Variants in LRRC4C observed in about 807,000 individuals in gnomAD.
LRRC4C encodes the protein leucine rich repeat containing 4C, also known as leucine-rich repeat-containing protein 4C.
Under a neutral mutation model 33.6 loss-of-function variants are expected in LRRC4C, and 5 were observed. The observed-to-expected ratio is 0.15, with a 90% CI of 0.08 to 0.31. The LOEUF (loss-of-function observed/expected upper bound fraction) is 0.31, where lower values mean the gene tolerates loss of function less well. Ranked by LOEUF, LRRC4C falls within the 10% of genes least tolerant of loss-of-function variation. LRRC4C has a pLI of 1.00. For synonymous variants in LRRC4C, 329 were observed against 302.0 expected (o/e 1.09, Z -0.93); for missense variants, 560 against 796.7 (o/e 0.70, Z 3.58).
chr11:40,683,309 A>C (rs940392233), intron 2 of LRRC4C, among the ~76,000 whole-genome samples: 1 of 152,214 alleles, frequency 6.6e-6, no homozygotes, highest in Admixed American at 6.5e-5. Context: ...ACACTGTGCC[A>C]TTAATATATG....
intron 3 of LRRC4C, among the ~76,000 whole-genome samples, chr11:40,634,720 T>TTAAA (rs112196417): frequency 6.9e-6 from 1 of 145,782 alleles, no homozygotes; most frequent in African/African-American, 2.5e-5. Flanking sequence ...AATAAGAAAA[T>TTAAA]AAAAAAAAAA....
At chr11:41,103,380 G>T (rs1026852533) in intron 1 of LRRC4C, among the ~76,000 whole-genome samples, 3 of 151,872 alleles carry the variant, frequency 2.0e-5, no homozygotes, top group Non-Finnish European at 4.4e-5. Context: ...AATCAATCCA[G>T]TGCTCTTTCT....
At chr11:41,174,028 G>A (rs1314167995) in intron 1 of LRRC4C, among the ~76,000 whole-genome samples, 2 of 151,844 alleles carry the variant, frequency 1.3e-5, no homozygotes, top group South Asian at 2.1e-4. Flanking sequence ...GTCAACTACA[G>A]GATACCTAAT....
chr11:40,665,283 C>G (rs1422704415), intron 2 of LRRC4C, among the ~76,000 whole-genome samples: 3 of 105,858 alleles, frequency 2.8e-5, no homozygotes, highest in Non-Finnish European at 6.0e-5. Flanking sequence ...GAGAAGAACC[C>G]AAAGCCCTGG....
At chr11:41,285,172 A>T (rs1408010842) in intron 1 of LRRC4C, among the ~76,000 whole-genome samples, 1 of 152,138 alleles carries the variant, frequency 6.6e-6, no homozygotes, top group Non-Finnish European at 1.5e-5. Flanking sequence ...ATAATAATTC[A>T]GTCTATCTTT....
chr11:40,191,988 T>A (rs1861878121), intron 5 of LRRC4C, among the ~76,000 whole-genome samples: 1 of 152,088 alleles, frequency 6.6e-6, no homozygotes, highest in Non-Finnish European at 1.5e-5. Flanking sequence ...AAGTCTATAA[T>A]TGTTATATAT....
intron 3 of LRRC4C, among the ~76,000 whole-genome samples, chr11:40,412,432 G>T (rs1006014789): frequency 2.6e-5 from 4 of 152,002 alleles, no homozygotes; most frequent in African/African-American, 9.6e-5. Flanking sequence ...AGTTACATGG[G>T]CTCAAAATTT....
chr11:40,849,453 A>G (rs966217734), intron 2 of LRRC4C, among the ~76,000 whole-genome samples: 15 of 152,198 alleles, frequency 9.9e-5, no homozygotes, highest in African/African-American at 3.6e-4. Context: ...TTCTTTAAGA[A>G]TGTTGAATAT....
At chr11:40,724,887 A>G (rs1336574997) in intron 2 of LRRC4C, among the ~76,000 whole-genome samples, 4 of 152,164 alleles carry the variant, frequency 2.6e-5, no homozygotes, top group Non-Finnish European at 5.9e-5. Context: ...AAATAAGCAC[A>G]ATCTGAAATT....
At chr11:40,215,617 T>C (rs1290179108) in intron 5 of LRRC4C, among the ~76,000 whole-genome samples, 2 of 152,124 alleles carry the variant, frequency 1.3e-5, no homozygotes, top group Non-Finnish European at 2.9e-5. Flanking sequence ...ATTTGTTAGA[T>C]TGATTAGCCC....
At chr11:40,866,509 A>G (rs755176374) in intron 2 of LRRC4C, among the ~76,000 whole-genome samples, 1 of 152,132 alleles carries the variant, frequency 6.6e-6, no homozygotes, top group Non-Finnish European at 1.5e-5. Context: ...GGTCATCATT[A>G]ACATTTCAGT....
intron 3 of LRRC4C, among the ~76,000 whole-genome samples, chr11:40,591,402 C>T (rs1048156969): frequency 2.8e-4 from 42 of 152,084 alleles, no homozygotes; most frequent in Admixed American, 1.8e-3. Context: ...GAGATGAACC[C>T]GGTACCTCAG....
At chr11:40,984,367 GAAAGAAAGAAAGAAAGAAA>G (rs59128628) in intron 1 of LRRC4C, among the ~76,000 whole-genome samples, 2,202 of 96,504 alleles carry the variant, frequency 0.023, 60 homozygotes, top group African/African-American at 0.087. Context: ...AAAGAAAAAA[GAAAGAAAGAAAGAAAGAAA>G]GAAAGAAAGA....
intron 5 of LRRC4C, among the ~76,000 whole-genome samples, chr11:40,160,614 T>G (rs1766928626): frequency 6.6e-6 from 1 of 152,166 alleles, no homozygotes; most frequent in South Asian, 2.1e-4. Flanking sequence ...GAGTAAGTGA[T>G]GTGTCAGCAA....
chr11:40,502,405 G>A (rs927264638), intron 3 of LRRC4C, among the ~76,000 whole-genome samples: 12 of 152,144 alleles, frequency 7.9e-5, no homozygotes, highest in Middle Eastern at 3.4e-3. Context: ...TACTGGAGAC[G>A]GGGAAGAAGA....
At chr11:40,909,559 A>G (rs1039133519) in intron 2 of LRRC4C, among the ~76,000 whole-genome samples, 10 of 152,152 alleles carry the variant, frequency 6.6e-5, no homozygotes, top group African/African-American at 1.9e-4. Flanking sequence ...TCATACAGAG[A>G]ACAACTTTTT....
chr11:40,168,565 A>C (rs1323909250), intron 5 of LRRC4C, among the ~76,000 whole-genome samples: 1 of 152,240 alleles, frequency 6.6e-6, no homozygotes, highest in African/African-American at 2.4e-5. Context: ...CTAGCAGCAC[A>C]GAGCACAAAG....
chr11:41,116,307 A>G (rs1237360623), intron 1 of LRRC4C, among the ~76,000 whole-genome samples: 3 of 152,154 alleles, frequency 2.0e-5, no homozygotes, highest in Admixed American at 2.0e-4. Context: ...TAAAATACCT[A>G]GCTCATAGGT....
At chr11:40,732,471 T>G (rs1032966009) in intron 2 of LRRC4C, among the ~76,000 whole-genome samples, 18 of 152,294 alleles carry the variant, frequency 1.2e-4, no homozygotes, top group African/African-American at 3.8e-4. Flanking sequence ...AAAGTGACAC[T>G]AAGTGTAAAT....
Sources: allele counts gnomAD v4.1 joint callset (sites outside exome capture counted in the v4.1 genomes callset), GRCh38; gene constraint gnomAD v4.1.1; transcripts MANE v1.5; gene names NCBI Gene and HGNC (gene_info 2026-07-23, HGNC 2026-07-21).